NDST3: variants seen among roughly 807,000 people sequenced by gnomAD.
NDST3 encodes the protein N-deacetylase and N-sulfotransferase 3.
Under a neutral mutation model 96.1 loss-of-function variants are expected in NDST3, and 58 were observed. The observed-to-expected ratio is 0.60, with a 90% CI of 0.49 to 0.75. The LOEUF is 0.75. Ranked by LOEUF, NDST3 falls within the 30% of genes least tolerant of loss-of-function variation. The pLI, the probability that NDST3 is intolerant of heterozygous loss-of-function variation, is 0.00. For synonymous variants in NDST3, 333 were observed against 359.7 expected (o/e 0.93, Z 0.84); for missense variants, 788 against 1,034.2 (o/e 0.76, Z 3.27).
At chr4:118,227,607 C>CTTTTTTTTTTTTTTTTTTTTTT (rs67330081) in intron 8 of NDST3, among the ~76,000 whole-genome samples, 1 of 106,130 alleles carries the variant, frequency 9.4e-6, no homozygotes, top group African/African-American at 3.4e-5. Flanking sequence ...TCACCATAAA[C>CTTTTTTTTTTTTTTTTTTTTTT]TTTTTTTTTT....
Position 118,258,176 on chromosome 4 carries a change from A to C in NDST3, c.*2464A>C, listed in dbSNP as rs541045127. ...GTGTTTGTATAAAGACAGGAGAAAA[A>C]GGAAGAGATCTTACCAAAATTTATT... On this transcript the variant is annotated 3_prime_UTR_variant, in exon 14 of 14. Transcript: ENST00000296499. 2.6e-5 allele frequency: 4 copies of C among 152,326 alleles called. No homozygotes were observed. The highest frequency in any genetic ancestry group is 4.4e-5 in the Non-Finnish European group (3 of 68,010). The allele number at this position is 152,326 out of a possible 1,614,324, so 9.4% of individuals were successfully genotyped here.
At position 118,249,093 on chromosome 4, in the gene NDST3, T is replaced by C. The variant is rs549115718; in HGVS notation, c.2400-4406T>C. ...TGACACCTGCTGCATAAGATCTAAT[T>C]AATTAGCCGACATAAAAGAAAAACC... On this transcript the variant is annotated intron_variant, in intron 12 of 13. Transcript: ENST00000296499. 1.6e-4 allele frequency among the ~76,000 whole-genome samples: 24 copies of C among 152,344 alleles called. No individual in the cohort carries two copies. In the South Asian group the frequency reaches 4.6e-3, roughly 29 times the overall value.
intron 2 of NDST3, among the ~76,000 whole-genome samples, chr4:118,062,943 C>T (rs1726015452): frequency 6.6e-6 from 1 of 152,078 alleles, no homozygotes; most frequent in African/African-American, 2.4e-5. Flanking sequence ...GTAATCCCAG[C>T]ACTTTGGGAG....
intron 2 of NDST3, among the ~76,000 whole-genome samples, chr4:118,087,236 T>C (rs768607818): frequency 1.3e-5 from 2 of 152,194 alleles, no homozygotes; most frequent in Non-Finnish European, 2.9e-5. Flanking sequence ...AAAGATCACA[T>C]AGATGATATG....
At chr4:118,106,988 G>T (rs1230442112) in intron 3 of NDST3, among the ~76,000 whole-genome samples, 1 of 152,186 alleles carries the variant, frequency 6.6e-6, no homozygotes, top group African/African-American at 2.4e-5. Flanking sequence ...TACTAGGGAG[G>T]CTGAGGCAGG....
chr4:118,178,594 T>C (rs920194756), intron 6 of NDST3, among the ~76,000 whole-genome samples: 4 of 152,058 alleles, frequency 2.6e-5, no homozygotes, highest in African/African-American at 7.2e-5. Context: ...GATGAACACT[T>C]AAATTGCTTC....
intron 6 of NDST3, among the ~76,000 whole-genome samples, chr4:118,168,928 C>T (rs1356805745): frequency 1.3e-5 from 2 of 152,098 alleles, no homozygotes; most frequent in African/African-American, 4.8e-5. Flanking sequence ...AACAGTCGAA[C>T]TCATAAAAGC....
At chr4:118,138,798 G>T (rs1733336060) in intron 5 of NDST3, among the ~76,000 whole-genome samples, 1 of 152,114 alleles carries the variant, frequency 6.6e-6, no homozygotes, top group Non-Finnish European at 1.5e-5. Context: ...TCTCTGTTTT[G>T]TTTTTTACAA....
At chr4:118,080,969 G>T (rs1324164124) in intron 2 of NDST3, among the ~76,000 whole-genome samples, 1 of 152,102 alleles carries the variant, frequency 6.6e-6, no homozygotes, top group Non-Finnish European at 1.5e-5. Context: ...CACAAGGAAG[G>T]GGTGTAAAGT....
chr4:118,161,713 A>C (rs942656798), intron 6 of NDST3, among the ~76,000 whole-genome samples: 1 of 152,164 alleles, frequency 6.6e-6, no homozygotes, highest in Admixed American at 6.5e-5. Context: ...GCCGTTTTTT[A>C]AGCCCGTCGG....
intron 2 of NDST3, among the ~76,000 whole-genome samples, chr4:118,056,759 T>A (rs1418996405): frequency 3.3e-5 from 5 of 151,994 alleles, no homozygotes; most frequent in African/African-American, 7.2e-5. Flanking sequence ...TCCGTTCAGT[T>A]CTTGATATGG....
chr4:118,097,922 G>A (rs1438031876), intron 2 of NDST3, among the ~76,000 whole-genome samples: 1 of 151,740 alleles, frequency 6.6e-6, no homozygotes, highest in Non-Finnish European at 1.5e-5. Context: ...TGGGAATGCA[G>A]CAGTGAATAG....
At chr4:118,176,990 T>C (rs1257637508) in intron 6 of NDST3, among the ~76,000 whole-genome samples, 1 of 151,980 alleles carries the variant, frequency 6.6e-6, no homozygotes, top group Non-Finnish European at 1.5e-5. Flanking sequence ...CAATGAATTA[T>C]CTATGAATTG....
intron 5 of NDST3, among the ~76,000 whole-genome samples, chr4:118,139,683 C>T (rs13119835): frequency 0.51 from 77,963 of 151,910 alleles, 24,048 homozygotes; most frequent in East Asian, 0.74. Flanking sequence ...TTCCCAAATC[C>T]AACTCAAAAG....
intron 3 of NDST3, among the ~76,000 whole-genome samples, chr4:118,108,520 TATC>T (rs55861458): frequency 0.054 from 8,169 of 152,238 alleles, 301 homozygotes; most frequent in Middle Eastern, 0.083. Context: ...TTAATAAACA[TATC>T]ATGCTGAGAA....
At chr4:118,241,295 A>AT (rs1314417472) in intron 11 of NDST3, among the ~76,000 whole-genome samples, 2 of 151,408 alleles carry the variant, frequency 1.3e-5, no homozygotes, top group African/African-American at 4.9e-5. Context: ...CTTTAGCCAC[A>AT]TTTTAAGTGT....
chr4:118,054,996 C>A, intron 2 of NDST3, 105 bp downstream of exon 2: 1 of 1,364,968 alleles, frequency 7.3e-7, no homozygotes, highest in East Asian at 2.3e-5. Context: ...ATGGGATTTA[C>A]TGGGAAAGTC....
At chr4:118,056,786 A>G (rs2389501) in intron 2 of NDST3, among the ~76,000 whole-genome samples, 114,241 of 151,796 alleles carry the variant, frequency 0.75, 45,643 homozygotes, top group South Asian at 0.92. Flanking sequence ...CCCATTCCAG[A>G]CATAGAGGCA....
chr4:118,201,593 T>C (rs555351102), intron 6 of NDST3, among the ~76,000 whole-genome samples: 1 of 152,328 alleles, frequency 6.6e-6, no homozygotes, highest in South Asian at 2.1e-4. Flanking sequence ...TTTTGAGAAG[T>C]ATGTGTTCAT....
Sources: gnomAD v4.1 joint callset for allele counts (sites outside exome capture counted in the v4.1 genomes callset) on GRCh38, gnomAD v4.1.1 for gene constraint, MANE v1.5 for transcripts, NCBI Gene and HGNC (gene_info 2026-07-23, HGNC 2026-07-21) for gene names.